JAZF1: variants seen among roughly 807,000 people sequenced by gnomAD.
JAZF1 encodes juxtaposed with another zinc finger protein 1.
Under a neutral mutation model 26.4 loss-of-function variants are expected in JAZF1, and 8 were observed. The observed-to-expected ratio is 0.30, with a 90% CI of 0.18 to 0.55. The LOEUF is 0.55. Among genes scored for constraint, JAZF1 ranks in the 20% least tolerant of loss-of-function variants. The pLI, the probability that JAZF1 is intolerant of heterozygous loss-of-function variation, is 0.94. For synonymous variants in JAZF1, 126 were observed against 122.3 expected (o/e 1.03, Z -0.20); for missense variants, 199 against 322.0 (o/e 0.62, Z 2.92).
intron 1 of JAZF1, among the ~76,000 whole-genome samples, chr7:28,142,153 A>C (rs907158399): frequency 5.3e-5 from 8 of 152,188 alleles, no homozygotes; most frequent in African/African-American, 1.9e-4. Context: ...CTTCTTTGTA[A>C]ACAGGACATG....
intron 1 of JAZF1, among the ~76,000 whole-genome samples, chr7:28,016,896 G>A (rs1414944922): frequency 6.6e-6 from 1 of 152,196 alleles, no homozygotes; most frequent in African/African-American, 2.4e-5. Context: ...CAAAAAAAGA[G>A]GATTTACATT....
chr7:28,070,599 G>C (rs1418220277), intron 1 of JAZF1, among the ~76,000 whole-genome samples: 1 of 152,202 alleles, frequency 6.6e-6, no homozygotes, highest in East Asian at 1.9e-4. Flanking sequence ...GTGGCAGCTG[G>C]TCTGAAGAAA....
At chr7:27,901,803 T>C (rs1360849131) in intron 2 of JAZF1, among the ~76,000 whole-genome samples, 1 of 152,188 alleles carries the variant, frequency 6.6e-6, no homozygotes, top group Admixed American at 6.5e-5. Context: ...CCTGTTAAAA[T>C]TGAGATTTGG....
intron 1 of JAZF1, among the ~76,000 whole-genome samples, chr7:28,113,082 A>T (rs906722594): frequency 1.3e-5 from 2 of 152,182 alleles, no homozygotes; most frequent in Non-Finnish European, 2.9e-5. Flanking sequence ...ACCCGCCTCC[A>T]GTTCAGGGCA....
intron 1 of JAZF1, among the ~76,000 whole-genome samples, chr7:28,069,207 C>T (rs1207108104): frequency 6.6e-6 from 1 of 152,262 alleles, no homozygotes; most frequent in Non-Finnish European, 1.5e-5. Context: ...ACTCCCAGCT[C>T]AGCGCTGCTT....
Position 27,981,283 on chromosome 7 carries a change from T to A in JAZF1, c.188+10626A>T, listed in dbSNP as rs1019971459. 2.0e-5 allele frequency among the ~76,000 whole-genome samples: 3 copies of A among 152,136 alleles called. No homozygotes were observed. In the East Asian group the frequency reaches 5.8e-4, roughly 29 times the overall value. On this transcript the variant is annotated intron_variant, in intron 2 of 4. Coordinates refer to ENST00000283928, the MANE Select transcript of JAZF1 (RefSeq NM_175061.4). ...TAAATACAGAAGACAGAGGAACCCA[T>A]CAAATGACATCTAGAGGAAACAACC...
At chr7:27,958,472 A>C (rs1386187878) in intron 2 of JAZF1, among the ~76,000 whole-genome samples, 1 of 152,216 alleles carries the variant, frequency 6.6e-6, no homozygotes, top group Non-Finnish European at 1.5e-5. Context: ...ATCACATGGA[A>C]ACCTTGACAG....
intron 1 of JAZF1, among the ~76,000 whole-genome samples, chr7:28,126,010 C>T (rs745936065): frequency 1.1e-4 from 16 of 152,084 alleles, no homozygotes; most frequent in Non-Finnish European, 2.2e-4. Context: ...AAACAAATTC[C>T]CTACAAGACT....
chr7:28,179,839 G>C (rs920508406), intron 1 of JAZF1, among the ~76,000 whole-genome samples: 4 of 139,460 alleles, frequency 2.9e-5, no homozygotes, highest in Non-Finnish European at 4.7e-5. Context: ...CCTAGCAACC[G>C]GCGCTGACAG....
In JAZF1 at chr7:28,165,655, G is replaced by A. The variant is rs1235498788; in HGVS notation, c.115+14808C>T. ...TGCCTGGAACATTCTTCCCCTAGAT[G>A]CCCCAATGGCTCATTCACTCCCCTT... On this transcript the variant is annotated intron_variant, in intron 1 of 4. Transcript: ENST00000283928. 2.0e-5 allele frequency among the ~76,000 whole-genome samples: 3 copies of A among 151,974 alleles called. No homozygotes were observed. The East Asian group carries it at 5.8e-4, about 29-fold the overall frequency.
intron 1 of JAZF1, among the ~76,000 whole-genome samples, chr7:28,062,521 C>A (rs922745199): frequency 1.6e-4 from 24 of 150,930 alleles, no homozygotes; most frequent in African/African-American, 4.4e-4. Context: ...CCACACAGAC[C>A]CTGCATGCTG....
intron 1 of JAZF1, among the ~76,000 whole-genome samples, chr7:28,044,119 T>G (rs1783452316): frequency 6.6e-6 from 1 of 152,192 alleles, no homozygotes; most frequent in Non-Finnish European, 1.5e-5. Flanking sequence ...CCCTTTAAAA[T>G]GTTTAAATGG....
At chr7:28,177,644 C>G (rs541637046) in intron 1 of JAZF1, among the ~76,000 whole-genome samples, 18 of 152,240 alleles carry the variant, frequency 1.2e-4, no homozygotes, top group African/African-American at 4.3e-4. Context: ...AAATTAAAAG[C>G]AAAATAACAC....
intron 3 of JAZF1, among the ~76,000 whole-genome samples, chr7:27,853,580 A>C (rs1183797768): frequency 1.3e-5 from 2 of 152,140 alleles, no homozygotes; most frequent in African/African-American, 4.8e-5. Flanking sequence ...AAATGAGTGG[A>C]TACTCATTGG....
At chr7:28,091,609 T>TTA (rs200569766) in intron 1 of JAZF1, among the ~76,000 whole-genome samples, 2 of 147,924 alleles carry the variant, frequency 1.4e-5, no homozygotes, top group Non-Finnish European at 3.0e-5. Flanking sequence ...TACATATATA[T>TTA]TATATATATA....
At chr7:28,035,313 CA>C (rs201602870) in intron 1 of JAZF1, among the ~76,000 whole-genome samples, 827 of 27,408 alleles carry the variant, frequency 0.03, 16 homozygotes, top group Middle Eastern at 0.059. Flanking sequence ...GACTCCATCT[CA>C]AAAAAAAAAA....
intron 1 of JAZF1, among the ~76,000 whole-genome samples, chr7:28,050,483 T>C (rs1169352974): frequency 1.3e-5 from 2 of 151,466 alleles, no homozygotes; most frequent in Non-Finnish European, 2.9e-5. Flanking sequence ...TATTTTATCT[T>C]ATATGAATTG....
chr7:27,889,803 C>T (rs185054658), intron 3 of JAZF1, among the ~76,000 whole-genome samples: 2 of 151,960 alleles, frequency 1.3e-5, no homozygotes, highest in African/African-American at 2.4e-5. Context: ...GGTGTTGATG[C>T]GCACCTGTAT....
In JAZF1 at chr7:28,180,454, G is replaced by A; in HGVS notation, c.115+9C>T. 2 of 1,606,846 alleles carry A rather than the reference G, an allele frequency of 1.2e-6. No homozygotes were observed. The highest frequency in any genetic ancestry group is 2.2e-5 in the South Asian group (2 of 90,782). ...GCCTGGCACCCCCGCCCACCCCCGG[G>A]CCATTTACCGATGTGGTTGTCCTCG... On this transcript the variant is annotated intron_variant, in intron 1 of 4. Coordinates refer to ENST00000283928, the MANE Select transcript of JAZF1 (RefSeq NM_175061.4).
Sources: gnomAD v4.1 joint callset for allele counts (sites outside exome capture counted in the v4.1 genomes callset) on GRCh38, gnomAD v4.1.1 for gene constraint, MANE v1.5 for transcripts, NCBI Gene and HGNC (gene_info 2026-07-23, HGNC 2026-07-21) for gene names.